IFT81: variants seen among roughly 807,000 people sequenced by gnomAD.
IFT81 encodes intraflagellar transport 81.
In IFT81, 72 loss-of-function variants were observed where a neutral mutation model predicts 102.6. The ratio of observed to expected loss-of-function variants is 0.70; its 90% CI spans 0.58 to 0.85. The LOEUF (loss-of-function observed/expected upper bound fraction) is 0.85, where lower values mean the gene tolerates loss of function less well. Among genes scored for constraint, IFT81 ranks in the 40% least tolerant of loss-of-function variants. The probability of loss-of-function intolerance (pLI) is 0.00; values close to 1 mark genes in which losing one functional copy is unlikely to be tolerated. For synonymous variants in IFT81, 237 were observed against 242.7 expected (o/e 0.98, Z 0.22); for missense variants, 723 against 787.3 (o/e 0.92, Z 0.98).
intron 10 of IFT81, among the ~76,000 whole-genome samples, chr12:110,149,170 A>C (rs1465595663): frequency 6.6e-6 from 1 of 152,020 alleles, no homozygotes; most frequent in Admixed American, 6.5e-5. Context: ...TACATTTCCT[A>C]CTCTAGACCT....
At chr12:110,193,379 T>G (rs2137552625) in intron 14 of IFT81, among the ~76,000 whole-genome samples, 1 of 152,318 alleles carries the variant, frequency 6.6e-6, no homozygotes, top group Non-Finnish European at 1.5e-5. Flanking sequence ...GCTCAAAGTC[T>G]GCCCACAAGT....
At chr12:110,137,072 G>C (rs998287714) in intron 8 of IFT81, among the ~76,000 whole-genome samples, 5 of 152,218 alleles carry the variant, frequency 3.3e-5, no homozygotes, top group Non-Finnish European at 7.3e-5. Flanking sequence ...AGATGGCCGG[G>C]TGCAGTGGCT....
chr12:110,184,130 C>T (rs1279476013), intron 12 of IFT81, among the ~76,000 whole-genome samples: 1 of 152,160 alleles, frequency 6.6e-6, no homozygotes, highest in Non-Finnish European at 1.5e-5. Context: ...GCGGGTGGAT[C>T]ACGAGGTCAG....
chr12:110,203,215 A>G, intron 14 of IFT81: 1 of 152,872 alleles, frequency 6.5e-6, no homozygotes, highest in South Asian at 2.1e-4. Flanking sequence ...GTAGTGAGCC[A>G]AGATCGCACC....
chr12:110,216,605 G>C, intron 18 of IFT81: 2 of 451,226 alleles, frequency 4.4e-6, no homozygotes, highest in South Asian at 1.6e-5. Context: ...CTGCCTTCCA[G>C]GTTCAAGCAA....
intron 2 of IFT81, 151 bp downstream of exon 2, chr12:110,127,675 T>C (rs1468677870): frequency 2.8e-6 from 2 of 726,386 alleles, no homozygotes; most frequent in Non-Finnish European, 4.2e-6. Flanking sequence ...ATTTCTCTGC[T>C]AGCTCAAAAA....
intron 13 of IFT81, among the ~76,000 whole-genome samples, chr12:110,192,387 C>T (rs1478111171): frequency 1.3e-5 from 2 of 151,902 alleles, no homozygotes; most frequent in Admixed American, 6.6e-5. Flanking sequence ...AAGATTTTCC[C>T]GTAATGGTTT....
chr12:110,150,224 A>G (rs773817362), intron 10 of IFT81, among the ~76,000 whole-genome samples: 26 of 151,858 alleles, frequency 1.7e-4, no homozygotes, highest in Non-Finnish European at 3.5e-4. Context: ...CTCCTGCCTC[A>G]GCTTCCCAAG....
intron 8 of IFT81, among the ~76,000 whole-genome samples, chr12:110,141,404 G>C (rs1894883528): frequency 6.6e-6 from 1 of 152,198 alleles, no homozygotes; most frequent in Non-Finnish European, 1.5e-5. Flanking sequence ...AGAAGGAATA[G>C]TGAAGTAATG....
In IFT81 at chr12:110,129,098, C is replaced by T. The variant is rs1006935708; in HGVS notation, c.397C>T (p.Gln133Ter). 1.9e-6 allele frequency: 3 copies of T among 1,601,140 alleles called. No individual in the cohort carries two copies. The highest frequency in any genetic ancestry group is 1.4e-5 in the African/African-American group (1 of 73,998). Residue 133 changes from glutamine to a stop codon, truncating the protein, a stop_gained, in exon 4 of 19, where the codon CAG becomes TAG. Transcript: ENST00000242591. LOFTEE classifies it high-confidence loss of function. The stretch of plus-strand genomic sequence containing the variant: ...ACTTGAGGTACCAAGTGAGTTTCTT[C>T]AGGATGAAACTGTGGCTGACACCAA... Reference protein sequence around the residue: ...IKLEVPSEFLQDETVADTNKQ... With the variant: ...IKLEVPSEFL
chr12:110,190,475 C>T (rs530069413), intron 12 of IFT81, among the ~76,000 whole-genome samples: 1 of 152,170 alleles, frequency 6.6e-6, no homozygotes, highest in African/African-American at 2.4e-5. Context: ...TATTTATTCC[C>T]ACTAGTAGTA....
Position 110,129,148 on chromosome 12 carries a change from G to T in IFT81, c.429+18G>T. 1 of 1,535,688 alleles carries T rather than the reference G, an allele frequency of 6.5e-7. No individual in the cohort carries two copies. Among genetic ancestry groups the T allele is most frequent in the South Asian group, 1.2e-5 (1 of 82,956 alleles). On this transcript the variant is annotated intron_variant, in intron 4 of 18. Transcript: ENST00000242591. ...ATAAACAGGTAAACAATACATAAAT[G>T]GTACATTGAAACTGTAATGGATTTC... is the stretch of plus-strand genomic sequence containing the variant.
At chr12:110,126,464 G>T (rs576975173) in intron 1 of IFT81, among the ~76,000 whole-genome samples, 9 of 152,008 alleles carry the variant, frequency 5.9e-5, no homozygotes, top group Non-Finnish European at 1.3e-4. Flanking sequence ...GGGGGTTTGT[G>T]CCTCTTGAGA....
chr12:110,187,902 A>G (rs976491121), intron 12 of IFT81, among the ~76,000 whole-genome samples: 2 of 152,142 alleles, frequency 1.3e-5, no homozygotes, highest in African/African-American at 4.8e-5. Flanking sequence ...AGACCTTCTA[A>G]GGAGTAGACC....
intron 14 of IFT81, among the ~76,000 whole-genome samples, chr12:110,193,438 G>A (rs1285175175): frequency 3.3e-5 from 5 of 152,072 alleles, no homozygotes; most frequent in Non-Finnish European, 7.4e-5. Context: ...TAGGAGGCAC[G>A]GTGCACAGCA....
intron 1 of IFT81, among the ~76,000 whole-genome samples, chr12:110,126,825 G>A (rs1408172594): frequency 1.3e-5 from 2 of 152,178 alleles, no homozygotes; most frequent in South Asian, 2.1e-4. Context: ...ATGGAAGAAG[G>A]GTACTTGAAG....
intron 13 of IFT81, 85 bp from the exon 14 acceptor site, chr12:110,192,527 TTTAAC>T: frequency 1.4e-6 from 1 of 697,364 alleles, no homozygotes; most frequent in South Asian, 1.9e-5. Context: ...TGCTCTTACA[TTTAAC>T]ACTGAAATTA....
At chr12:110,197,042 T>TA (rs1001913041) in intron 14 of IFT81, among the ~76,000 whole-genome samples, 1 of 151,892 alleles carries the variant, frequency 6.6e-6, no homozygotes, top group East Asian at 1.9e-4. Context: ...CTACAAAAAG[T>TA]AAAAAAATTA....
At chr12:110,155,602 G>A (rs903952703) in intron 10 of IFT81, among the ~76,000 whole-genome samples, 5 of 152,194 alleles carry the variant, frequency 3.3e-5, no homozygotes, top group African/African-American at 1.2e-4. Context: ...GTGAGCCACC[G>A]CGCCCGGCCT....
Sources: gnomAD v4.1 joint callset for allele counts (sites outside exome capture counted in the v4.1 genomes callset) on GRCh38, gnomAD v4.1.1 for gene constraint, MANE v1.5 for transcripts, NCBI Gene and HGNC (gene_info 2026-07-23, HGNC 2026-07-21) for gene names.